TFCP2: variants seen among roughly 807,000 people sequenced by gnomAD.
TFCP2 encodes the protein alpha-globin transcription factor CP2.
In TFCP2, 33 loss-of-function variants were observed where a neutral mutation model predicts 73.4. The observed-to-expected ratio is 0.45, with a 90% confidence interval of 0.34 to 0.60. The LOEUF (loss-of-function observed/expected upper bound fraction) is 0.60, where lower values mean the gene tolerates loss of function less well. Among genes scored for constraint, TFCP2 ranks in the 20% least tolerant of loss-of-function variants. The probability of loss-of-function intolerance (pLI) is 0.01; values close to 1 mark genes in which losing one functional copy is unlikely to be tolerated. For synonymous variants in TFCP2, 193 were observed against 211.6 expected (o/e 0.91, Z 0.76); for missense variants, 352 against 604.0 (o/e 0.58, Z 4.37).
At chr12:51,159,007 C>A (rs1474109066) in intron 1 of TFCP2, among the ~76,000 whole-genome samples, 369 of 15,222 alleles carry the variant, frequency 0.024, 10 homozygotes, top group Middle Eastern at 0.042. Flanking sequence ...ACTAAAAATC[C>A]AAAAAAAAAA....
intron 4 of TFCP2, among the ~76,000 whole-genome samples, chr12:51,115,913 T>C (rs989250228): frequency 1.3e-5 from 2 of 152,208 alleles, no homozygotes; most frequent in African/African-American, 4.8e-5. Flanking sequence ...GGAGTTGTTG[T>C]TTAACAGGTA....
chr12:51,161,463 G>A (rs908362094), intron 1 of TFCP2, among the ~76,000 whole-genome samples: 7 of 151,432 alleles, frequency 4.6e-5, no homozygotes, highest in African/African-American at 7.3e-5. Context: ...GGTGGATCAC[G>A]AGGTCAGGAG....
At chr12:51,103,826 C>T in intron 9 of TFCP2, 63 bp from the exon 10 acceptor site, 1 of 1,344,684 alleles carries the variant, frequency 7.4e-7, no homozygotes, top group Non-Finnish European at 1.1e-6. Flanking sequence ...CATTAGGTAA[C>T]ACATAGCCAA....
intron 1 of TFCP2, among the ~76,000 whole-genome samples, chr12:51,145,232 A>C (rs1023424577): frequency 1.3e-5 from 2 of 150,626 alleles, no homozygotes; most frequent in African/African-American, 4.9e-5. Flanking sequence ...AAATACAAAA[A>C]TTAGCTGCGT....
At chr12:51,155,656 T>C (rs112477756) in intron 1 of TFCP2, among the ~76,000 whole-genome samples, 1 of 152,322 alleles carries the variant, frequency 6.6e-6, no homozygotes, top group Admixed American at 6.5e-5. Context: ...TTCATGTGCT[T>C]ATTGGTCATG....
intron 1 of TFCP2, among the ~76,000 whole-genome samples, chr12:51,145,383 G>GAA (rs1325350343): frequency 8.0e-6 from 1 of 124,534 alleles, no homozygotes. Context: ...CTCTGTCTCA[G>GAA]AAAAAAAAAA....
At chr12:51,147,235 C>T (rs936145149) in intron 1 of TFCP2, among the ~76,000 whole-genome samples, 1 of 151,668 alleles carries the variant, frequency 6.6e-6, no homozygotes, top group African/African-American at 2.4e-5. Context: ...CCCAGCTACT[C>T]GGGAGGCTGA....
chr12:51,124,502 T>C (rs764105725), intron 1 of TFCP2: 9 of 377,872 alleles, frequency 2.4e-5, no homozygotes, highest in Non-Finnish European at 3.1e-5. Flanking sequence ...CAGTGATTTC[T>C]GGGGTAGGGG....
At chr12:51,099,867 C>T (rs1940067217) in intron 11 of TFCP2, 88 bp from the exon 12 acceptor site, 3 of 1,477,158 alleles carry the variant, frequency 2.0e-6, no homozygotes, top group East Asian at 2.3e-5. Context: ...CTACATTAAT[C>T]GTATAGAGCA....
chr12:51,125,959 G>A lies in TFCP2; in HGVS notation c.123-7187C>T, dbSNP rs1391369817. Reference sequence around the variant, plus strand: ...AAAAATGCAAAAATTGGCCAGGCACGGTGGCTCACGCCTGTAATCCCAGCA... The same window carrying A: ...AAAAATGCAAAAATTGGCCAGGCACAGTGGCTCACGCCTGTAATCCCAGCA... On this transcript the variant is annotated intron_variant, in intron 1 of 14. Transcript: ENST00000257915. Among the ~76,000 whole-genome samples, 6 of 152,118 alleles carry A rather than the reference G, an allele frequency of 3.9e-5. No individual in the cohort carries two copies. In the East Asian group the frequency reaches 5.8e-4, roughly 15 times the overall value.
intron 1 of TFCP2, among the ~76,000 whole-genome samples, chr12:51,133,887 A>G (rs1592816380): frequency 6.8e-6 from 1 of 147,572 alleles, no homozygotes; most frequent in Non-Finnish European, 1.5e-5. Flanking sequence ...GCACCACTGC[A>G]CTCCAGCCTA....
At chr12:51,131,856 G>A (rs1431074481) in intron 1 of TFCP2, among the ~76,000 whole-genome samples, 1 of 151,306 alleles carries the variant, frequency 6.6e-6, no homozygotes, top group Non-Finnish European at 1.5e-5. Context: ...TGTTCTTTTG[G>A]TCTTCAGTGT....
chr12:51,101,108 C>T lies in TFCP2; in HGVS notation c.1151+827G>A, dbSNP rs181663468. ...CACGAGATCAGGAGATCGAGACCAT[C>T]CTGGCTAACACGGTGAAACCCTGTC... On this transcript the variant is annotated intron_variant, in intron 11 of 14. Transcript: ENST00000257915. Among the ~76,000 whole-genome samples the T allele has an allele frequency of 2.9e-3, 437 of 152,190 alleles. 2 individuals carry two copies. Among genetic ancestry groups the T allele is most frequent in the African/African-American group, 0.01 (423 of 41,534 alleles).
At chr12:51,161,585 CAGG>C (rs1286655887) in intron 1 of TFCP2, among the ~76,000 whole-genome samples, 1 of 151,208 alleles carries the variant, frequency 6.6e-6, no homozygotes, top group African/African-American at 2.4e-5. Flanking sequence ...GAGGCTGAGA[CAGG>C]AGAATAGCTT....
chr12:51,152,058 T>C (rs761783291), intron 1 of TFCP2, among the ~76,000 whole-genome samples: 2 of 152,184 alleles, frequency 1.3e-5, no homozygotes, highest in Non-Finnish European at 2.9e-5. Flanking sequence ...GATATTTACA[T>C]AGTCTCAAAA....
chr12:51,102,898 G>A (rs1033698959), intron 10 of TFCP2, among the ~76,000 whole-genome samples: 2 of 148,932 alleles, frequency 1.3e-5, no homozygotes, highest in Admixed American at 6.7e-5. Context: ...GTTTTGTTTC[G>A]GTGCTTTTTT....
chr12:51,146,158 T>C (rs919522899), intron 1 of TFCP2, among the ~76,000 whole-genome samples: 11 of 149,144 alleles, frequency 7.4e-5, no homozygotes, highest in African/African-American at 2.5e-4. Context: ...AATAAAAAAT[T>C]AGCCAGGCAT....
intron 3 of TFCP2, 107 bp downstream of exon 3, chr12:51,117,564 C>T: frequency 1.2e-6 from 1 of 810,950 alleles, no homozygotes; most frequent in Non-Finnish European, 2.0e-6. Flanking sequence ...GCAAGAGATA[C>T]CATTAAGCCA....
At chr12:51,124,797 T>C (rs769167979) in intron 1 of TFCP2, 10 of 901,036 alleles carry the variant, frequency 1.1e-5, no homozygotes, top group African/African-American at 8.1e-5. Flanking sequence ...AGCCTTTTTC[T>C]GCTGCTCAGC....
Sources: allele counts gnomAD v4.1 joint callset (sites outside exome capture counted in the v4.1 genomes callset), GRCh38; gene constraint gnomAD v4.1.1; transcripts MANE v1.5; gene names NCBI Gene and HGNC (gene_info 2026-07-23, HGNC 2026-07-21).